Variants in ST3GAL3 observed in about 807,000 individuals in gnomAD.
The protein encoded by ST3GAL3 is ST3 beta-galactoside alpha-2,3-sialyltransferase 3.
In ST3GAL3, 21 loss-of-function variants were observed where a neutral mutation model predicts 50.1. The ratio of observed to expected loss-of-function variants is 0.42; its 90% CI spans 0.30 to 0.60. ST3GAL3 has a LOEUF of 0.60. ST3GAL3 is among the 20% of genes least tolerant of loss of function. ST3GAL3 has a pLI of 0.19. For synonymous variants in ST3GAL3, 183 were observed against 190.0 expected (o/e 0.96, Z 0.30); for missense variants, 353 against 489.4 (o/e 0.72, Z 2.63).
chr1:43,874,127 A>C (rs192658449), intron 5 of ST3GAL3, among the ~76,000 whole-genome samples: 1 of 152,358 alleles, frequency 6.6e-6, no homozygotes, highest in Non-Finnish European at 1.5e-5. Context: ...GGATGATTGT[A>C]TAAGTTACTA....
At chr1:43,745,733 A>G (rs1271717005) in intron 2 of ST3GAL3, among the ~76,000 whole-genome samples, 1 of 152,196 alleles carries the variant, frequency 6.6e-6, no homozygotes, top group African/African-American at 2.4e-5. Flanking sequence ...GGTTGAAGCA[A>G]TTCTCATGCC....
At chr1:43,797,688 T>C (rs2058838340) in intron 3 of ST3GAL3, among the ~76,000 whole-genome samples, 2 of 152,196 alleles carry the variant, frequency 1.3e-5, no homozygotes, top group Non-Finnish European at 1.5e-5. Context: ...TCATACTTTA[T>C]GGTAAAAGAC....
At position 43,920,529 on chromosome 1, in the gene ST3GAL3, C is replaced by A; in HGVS notation, c.870C>A (p.Asn290Lys). The A allele has an allele frequency of 6.2e-7, 1 of 1,614,156 alleles. No homozygotes were observed. Among genetic ancestry groups the A allele is most frequent in the Non-Finnish European group, 8.5e-7 (1 of 1,180,028 alleles). ...TCACCCTCATTGGCCTGCCCTTCAA[C>A]AATGGCCTCATGGGCCGGGGGGTGA... ...AAFTLIGLPFNNGLMGRGNIP... is the reference protein window; with the variant it reads ...AAFTLIGLPFKNGLMGRGNIP... Residue 290 changes from asparagine to lysine, a missense_variant, in exon 10 of 12, where the codon AAC (asparagine) becomes AAA (lysine). By Grantham distance (94) the Asn-to-Lys change is moderately conservative. Coordinates refer to ENST00000347631, the MANE Select transcript of ST3GAL3 (RefSeq NM_006279.5).
At chr1:43,827,389 G>A (rs1303181778) in intron 4 of ST3GAL3, among the ~76,000 whole-genome samples, 3 of 152,312 alleles carry the variant, frequency 2.0e-5, no homozygotes, top group Middle Eastern at 3.4e-3. Flanking sequence ...ATGTGTAAAT[G>A]TGTTTGTGCA....
intron 4 of ST3GAL3, among the ~76,000 whole-genome samples, chr1:43,824,568 G>A (rs1034873801): frequency 3.3e-5 from 5 of 152,132 alleles, no homozygotes; most frequent in Non-Finnish European, 2.9e-5. Context: ...ACAAGCCAGG[G>A]CCATACTTAC....
At chr1:43,773,301 A>T (rs530286061) in intron 2 of ST3GAL3, among the ~76,000 whole-genome samples, 23 of 152,282 alleles carry the variant, frequency 1.5e-4, no homozygotes, top group African/African-American at 5.5e-4. Flanking sequence ...TAAAGACCAG[A>T]AGGATACTAA....
At chr1:43,727,809 A>G (rs1477055149) in intron 1 of ST3GAL3, among the ~76,000 whole-genome samples, 2 of 152,106 alleles carry the variant, frequency 1.3e-5, no homozygotes, top group African/African-American at 4.8e-5. Context: ...CGGAAGACCC[A>G]TGACTCCTCT....
chr1:43,772,170 C>T (rs1220744695), intron 2 of ST3GAL3: 1 of 396,194 alleles, frequency 2.5e-6, no homozygotes, highest in African/African-American at 2.1e-5. Flanking sequence ...CTGCCTCAGC[C>T]TCCCCAGTAG....
chr1:43,922,248 T>A (rs2083159395), intron 11 of ST3GAL3: 1 of 152,224 alleles, frequency 6.6e-6, no homozygotes, highest in South Asian at 2.1e-4. Context: ...ACGCAGGTAA[T>A]CCCAGCACTT....
chr1:43,763,803 G>A (rs1691487704), intron 2 of ST3GAL3, among the ~76,000 whole-genome samples: 1 of 152,136 alleles, frequency 6.6e-6, no homozygotes, highest in Non-Finnish European at 1.5e-5. Flanking sequence ...GTGTGTTTTG[G>A]AATCCTCTAT....
intron 4 of ST3GAL3, among the ~76,000 whole-genome samples, chr1:43,836,553 C>T (rs1387732383): frequency 2.0e-5 from 3 of 152,250 alleles, no homozygotes; most frequent in African/African-American, 7.2e-5. Context: ...ACCCCACACC[C>T]ACCCAGTCCA....
chr1:43,851,000 G>A lies in ST3GAL3; in HGVS notation c.302+12689G>A, dbSNP rs1375201710. 11 of 862,666 alleles carry A rather than the reference G, an allele frequency of 1.3e-5. No homozygotes were observed. In the East Asian group the frequency reaches 2.4e-4, roughly 19 times the overall value. The allele number at this position is 862,666 out of a possible 1,614,324, so 53.4% of individuals were successfully genotyped here. A position where few individuals can be genotyped will look rare whatever the true frequency, so the allele number is the denominator to read the frequency against. ...GGTTCTTGTGAGTGGTGGTGGCAGTGTTCAAATGGGGAGGGCACCACGCCA... is the reference window on the plus strand; with the variant it reads ...GGTTCTTGTGAGTGGTGGTGGCAGTATTCAAATGGGGAGGGCACCACGCCA... On this transcript the variant is annotated intron_variant, in intron 5 of 11. Transcript: ENST00000347631.
chr1:43,862,856 C>T (rs940294183), intron 5 of ST3GAL3, among the ~76,000 whole-genome samples: 2 of 151,900 alleles, frequency 1.3e-5, no homozygotes, highest in Non-Finnish European at 2.9e-5. Context: ...GTTGAGGCTA[C>T]AATGAGCTGT....
chr1:43,790,872 G>A (rs963857115), intron 2 of ST3GAL3, among the ~76,000 whole-genome samples: 8 of 151,704 alleles, frequency 5.3e-5, no homozygotes, highest in Admixed American at 1.3e-4. Flanking sequence ...TCTTGACCTC[G>A]TGATCCACCC....
chr1:43,862,729 G>A (rs1217647674), intron 5 of ST3GAL3, among the ~76,000 whole-genome samples: 1 of 145,242 alleles, frequency 6.9e-6, no homozygotes, highest in East Asian at 2.0e-4. Context: ...GAAACATAGC[G>A]AGACTCTGTC....
chr1:43,886,158 A>C (rs1380014362), intron 5 of ST3GAL3, among the ~76,000 whole-genome samples: 1 of 152,248 alleles, frequency 6.6e-6, no homozygotes, highest in Admixed American at 6.5e-5. Context: ...AGGCGGGCAG[A>C]TCACCTGAGG....
At chr1:43,771,443 C>T (rs576252683) in intron 2 of ST3GAL3, among the ~76,000 whole-genome samples, 7 of 152,008 alleles carry the variant, frequency 4.6e-5, no homozygotes, top group South Asian at 2.1e-4. Flanking sequence ...CCGCAGGCTC[C>T]GCCCCCGGGG....
Position 43,734,679 on chromosome 1 carries a change from C to G in ST3GAL3, c.-30-1554C>G, listed in dbSNP as rs550534645. Among the ~76,000 whole-genome samples, 129 of 152,188 alleles carry G rather than the reference C, an allele frequency of 8.5e-4. 1 individual carries two copies. Among genetic ancestry groups the G allele is most frequent in the African/African-American group, 3.0e-3 (123 of 41,508 alleles). ...AATGTGTTGATTTTTGTAAATTAATCTTATAATCATAATCACCTACTTTAT... is the reference window on the plus strand; with the variant it reads ...AATGTGTTGATTTTTGTAAATTAATGTTATAATCATAATCACCTACTTTAT... On this transcript the variant is annotated intron_variant, in intron 1 of 11. Transcript: ENST00000347631.
In ST3GAL3 at chr1:43,779,104, G is replaced by A. The variant is rs112666536; in HGVS notation, c.119-12998G>A. On this transcript the variant is annotated intron_variant, in intron 2 of 11. Transcript: ENST00000347631. ...TTACAGGCACCTGCCAGCAGGCCCA[G>A]CTAATTTTTGTATATTTGGTAGAGA... Among the ~76,000 whole-genome samples the A allele has an allele frequency of 1.0e-3, 154 of 151,778 alleles. 4 individuals are homozygous for A. The Middle Eastern group carries it at 0.014, about 14-fold the overall frequency.
Sources: gnomAD v4.1 joint callset for allele counts (sites outside exome capture counted in the v4.1 genomes callset) on GRCh38, gnomAD v4.1.1 for gene constraint, MANE v1.5 for transcripts, NCBI Gene and HGNC (gene_info 2026-07-23, HGNC 2026-07-21) for gene names.